AFF2: variants seen among roughly 807,000 people sequenced by gnomAD.
AFF2 encodes ALF transcription elongation factor 2.
AFF2 carries 14 observed loss-of-function variants against 76.9 expected under a neutral mutation model. That is an observed-to-expected ratio of 0.18 (90% CI 0.12 to 0.28). The LOEUF is 0.28. Ranked by LOEUF, AFF2 falls within the 10% of genes least tolerant of loss-of-function variation. The probability of loss-of-function intolerance (pLI) is 1.00; values close to 1 mark genes in which losing one functional copy is unlikely to be tolerated. For missense variants in AFF2, 868 were observed against 1,001.1 expected, an observed-to-expected ratio of 0.87 and a Z score of 1.79; for synonymous variants, 398 against 366.7, an observed-to-expected ratio of 1.09 and a Z score of -0.98.
intron 5 of AFF2, among the ~76,000 whole-genome samples, chrX:148,842,712 G>T (rs2070615288): frequency 9.0e-6 from 1 of 111,723 alleles, no homozygotes; most frequent in Non-Finnish European, 1.9e-5. Flanking sequence ...TTATAATTTT[G>T]ATTAAATGGC....
At chrX:148,515,122 C>T (rs1335345597) in intron 1 of AFF2, among the ~76,000 whole-genome samples, 1 of 111,757 alleles carries the variant, frequency 8.9e-6, no homozygotes, top group Non-Finnish European at 1.9e-5. Flanking sequence ...TTTTACCTTC[C>T]GTAAGTTTAC....
chrX:148,760,479 T>C (rs781851847), intron 3 of AFF2, among the ~76,000 whole-genome samples: 1 of 112,688 alleles, frequency 8.9e-6, no homozygotes, highest in African/African-American at 3.2e-5. Flanking sequence ...ACAGTGTCTC[T>C]GTCAGTGGCT....
intron 3 of AFF2, among the ~76,000 whole-genome samples, chrX:148,679,571 GAA>G (rs1308316528): frequency 9.0e-6 from 1 of 111,615 alleles, no homozygotes; most frequent in Non-Finnish European, 1.9e-5. Flanking sequence ...CATGGTTTAG[GAA>G]AACTCTTAAT....
intron 1 of AFF2, among the ~76,000 whole-genome samples, chrX:148,524,671 T>G (rs1437533717): frequency 8.9e-6 from 1 of 112,500 alleles, no homozygotes; most frequent in Admixed American, 9.4e-5. Flanking sequence ...GGAGACAACA[T>G]TTGAATGGAT....
intron 1 of AFF2, among the ~76,000 whole-genome samples, chrX:148,503,448 G>A (rs1442835736): frequency 1.8e-5 from 2 of 111,282 alleles, no homozygotes; most frequent in Non-Finnish European, 3.8e-5. Flanking sequence ...CCCCCAGGAG[G>A]GCCAAGAAAG....
At chrX:148,646,969 T>C (rs1394707272) in intron 1 of AFF2, among the ~76,000 whole-genome samples, 1 of 112,439 alleles carries the variant, frequency 8.9e-6, no homozygotes, top group Admixed American at 9.4e-5. Context: ...AGGTATTGGA[T>C]AGCAGAGATT....
chrX:148,876,807 C>T (rs2071040378), intron 7 of AFF2, among the ~76,000 whole-genome samples: 1 of 111,266 alleles, frequency 9.0e-6, no homozygotes, highest in Non-Finnish European at 1.9e-5. Context: ...TAATCTGAGC[C>T]TTGGTGGAAC....
At chrX:148,868,492 A>T (rs1209087711) in intron 7 of AFF2, among the ~76,000 whole-genome samples, 2 of 112,201 alleles carry the variant, frequency 1.8e-5, no homozygotes, top group African/African-American at 6.5e-5. Context: ...AAGGTATGAT[A>T]TCTGTGTTCC....
intron 15 of AFF2, 34 bp from the exon 16 acceptor site, chrX:148,973,437 A>G (rs782385314): frequency 8.3e-7 from 1 of 1,205,210 alleles, no homozygotes; most frequent in Non-Finnish European, 1.1e-6. Flanking sequence ...GAAAACAGAG[A>G]GTATTATCTT....
chrX:148,695,035 C>T (rs1212432311), intron 3 of AFF2, among the ~76,000 whole-genome samples: 4 of 109,906 alleles, frequency 3.6e-5, no homozygotes, highest in Non-Finnish European at 7.6e-5. Flanking sequence ...AGGCTGGTCT[C>T]GAACTCCTGA....
In AFF2 at chrX:148,636,791, C is replaced by T. The variant is rs868946905; in HGVS notation, c.48-15208C>T. Among the ~76,000 whole-genome samples, 9 of 104,507 alleles carry T rather than the reference C, an allele frequency of 8.6e-5. No individual in the cohort carries two copies. In the South Asian group the frequency reaches 2.1e-3, roughly 25 times the overall value. 90.8% of individuals were successfully genotyped at this position (104,507 alleles called of 115,157 possible). A position where few individuals can be genotyped will look rare whatever the true frequency, so the allele number is the denominator to read the frequency against. ...TTATGTGAATCAAAATTTTTTCCAC[C>T]TATTGTAAGTACCTTGGGAAAAAAA... On this transcript the variant is annotated intron_variant, in intron 1 of 20. Coordinates refer to ENST00000370460, the MANE Select transcript of AFF2 (RefSeq NM_002025.4).
chrX:148,823,004 G>A (rs1399307207), intron 4 of AFF2, among the ~76,000 whole-genome samples: 10 of 111,240 alleles, frequency 9.0e-5, no homozygotes, highest in Admixed American at 8.6e-4. Flanking sequence ...GAGGATACCC[G>A]AAAAGCTAGT....
chrX:148,823,156 T>G (rs1373474489), intron 4 of AFF2, among the ~76,000 whole-genome samples: 1 of 111,767 alleles, frequency 8.9e-6, no homozygotes, highest in Non-Finnish European at 1.9e-5. Flanking sequence ...GAGCCTGGTC[T>G]GCTCCTGTCC....
intron 1 of AFF2, among the ~76,000 whole-genome samples, chrX:148,505,060 C>T (rs1268331874): frequency 1.8e-5 from 2 of 111,754 alleles, no homozygotes; most frequent in Non-Finnish European, 3.8e-5. Flanking sequence ...ATCCATTTAT[C>T]TTTCCCGTTT....
intron 3 of AFF2, among the ~76,000 whole-genome samples, chrX:148,778,875 T>C (rs782648021): frequency 7.2e-5 from 8 of 111,631 alleles, no homozygotes; most frequent in South Asian, 7.5e-4. Flanking sequence ...ATCTTAGTTA[T>C]TTCTTGTCTT....
intron 3 of AFF2, among the ~76,000 whole-genome samples, chrX:148,774,013 TGAATGAA>T (rs2124603948): frequency 9.0e-6 from 1 of 111,569 alleles, no homozygotes; most frequent in Non-Finnish European, 1.9e-5. Flanking sequence ...GAATTTCCTC[TGAATGAA>T]GAATTAGGGC....
At chrX:148,736,107 A>T (rs895026429) in intron 3 of AFF2, among the ~76,000 whole-genome samples, 2 of 111,767 alleles carry the variant, frequency 1.8e-5, no homozygotes, top group African/African-American at 3.3e-5. Context: ...TCCTATAATG[A>T]TCTGTTTTCC....
intron 9 of AFF2, among the ~76,000 whole-genome samples, chrX:148,942,782 C>T (rs1557285718): frequency 9.6e-6 from 1 of 103,641 alleles, no homozygotes; most frequent in Non-Finnish European, 2.0e-5. Flanking sequence ...CGCCACTGCA[C>T]TCCAGCCCAG....
chrX:148,654,006 A>G (rs1427244986), intron 2 of AFF2, among the ~76,000 whole-genome samples: 1 of 111,695 alleles, frequency 9.0e-6, no homozygotes, highest in Non-Finnish European at 1.9e-5. Flanking sequence ...TTATTGTCTT[A>G]TAGGTATCAG....
Sources: allele counts gnomAD v4.1 joint callset (sites outside exome capture counted in the v4.1 genomes callset), GRCh38; gene constraint gnomAD v4.1.1; transcripts MANE v1.5; gene names NCBI Gene and HGNC (gene_info 2026-07-23, HGNC 2026-07-21).